Variants in CHST15 observed in about 807,000 individuals in gnomAD.
CHST15 encodes the protein carbohydrate sulfotransferase 15, also known as B cell RAG associated protein (GALNAC4S-6ST).
Under a neutral mutation model 53.6 loss-of-function variants are expected in CHST15, and 30 were observed. The ratio of observed to expected loss-of-function variants is 0.56; its 90% CI spans 0.42 to 0.76. CHST15 has a LOEUF of 0.76. CHST15 is among the 30% of genes least tolerant of loss of function. The probability of loss-of-function intolerance (pLI) is 0.00; values close to 1 mark genes in which losing one functional copy is unlikely to be tolerated. For synonymous variants in CHST15, 296 were observed against 289.8 expected (o/e 1.02, Z -0.22); for missense variants, 627 against 740.5 (o/e 0.85, Z 1.78).
intron 1 of CHST15, among the ~76,000 whole-genome samples, chr10:124,051,870 G>A (rs759688370): frequency 3.9e-5 from 6 of 152,110 alleles, no homozygotes; most frequent in South Asian, 2.1e-4. Context: ...GTGTAAGATC[G>A]ATAAAGGGCA....
intron 6 of CHST15, among the ~76,000 whole-genome samples, chr10:124,016,275 G>A (rs1349501187): frequency 6.6e-6 from 1 of 152,038 alleles, no homozygotes; most frequent in African/African-American, 2.4e-5. Flanking sequence ...GGCCCAGGGT[G>A]CCTTACAAAG....
intron 5 of CHST15, among the ~76,000 whole-genome samples, chr10:124,027,827 A>C (rs966009634): frequency 6.6e-6 from 1 of 152,208 alleles, no homozygotes; most frequent in African/African-American, 2.4e-5. Context: ...GGACCCAAAC[A>C]AACCCAGGCC....
chr10:124,067,285 A>T (rs995834897), intron 1 of CHST15, among the ~76,000 whole-genome samples: 3 of 152,260 alleles, frequency 2.0e-5, no homozygotes, highest in African/African-American at 2.4e-5. Flanking sequence ...AATCTCTGGC[A>T]TCTACTGCAC....
At chr10:124,073,205 A>G (rs1423059958) in intron 1 of CHST15, among the ~76,000 whole-genome samples, 2 of 152,228 alleles carry the variant, frequency 1.3e-5, no homozygotes, top group African/African-American at 2.4e-5. Context: ...GAAATCACAC[A>G]GTGTCTACCC....
At chr10:124,050,698 G>A (rs916959147) in intron 1 of CHST15, among the ~76,000 whole-genome samples, 6 of 152,218 alleles carry the variant, frequency 3.9e-5, no homozygotes, top group East Asian at 3.9e-4. Flanking sequence ...CAGAGGGGAC[G>A]TTGGAGGAGA....
intron 1 of CHST15, among the ~76,000 whole-genome samples, chr10:124,077,506 C>CT (rs1260889567): frequency 6.6e-6 from 1 of 152,214 alleles, no homozygotes; most frequent in East Asian, 1.9e-4. Flanking sequence ...GGCTTACACT[C>CT]TTTCAGCCCC....
rs755937325 is a variant in CHST15, at chr10:124,044,832, G to A, written c.634C>T (p.Pro212Ser). Residue 212 changes from proline to serine, a missense_variant, in exon 3 of 8, where the codon CCC (proline) becomes TCC (serine). By Grantham distance (74) the Pro-to-Ser change is moderately conservative (BLOSUM62 -1). Coordinates refer to ENST00000435907, the MANE Select transcript of CHST15 (RefSeq NM_001270764.2). ...EEFSGQNTTDPYLTNSYVLYS... is the reference protein window; with the variant it reads ...EEFSGQNTTDSYLTNSYVLYS... Reference sequence around the variant, plus strand: ...AGCACGTAGGAGTTGGTGAGGTAGGGGTCGGTGGTGTTCTGCCCCGAGAAC... The same window carrying A: ...AGCACGTAGGAGTTGGTGAGGTAGGAGTCGGTGGTGTTCTGCCCCGAGAAC... 1 of 1,561,100 alleles carries A rather than the reference G, an allele frequency of 6.4e-7. No individual in the cohort carries two copies. Among genetic ancestry groups the A allele is most frequent in the Non-Finnish European group, 8.7e-7 (1 of 1,150,774 alleles).
intron 1 of CHST15, among the ~76,000 whole-genome samples, chr10:124,077,033 A>G (rs1949097515): frequency 6.6e-6 from 1 of 152,186 alleles, no homozygotes; most frequent in African/African-American, 2.4e-5. Flanking sequence ...TTTAATATGC[A>G]TTTCATGTTG....
intron 1 of CHST15, among the ~76,000 whole-genome samples, chr10:124,056,327 A>T (rs1376231305): frequency 3.9e-5 from 6 of 152,126 alleles, no homozygotes; most frequent in Non-Finnish European, 8.8e-5. Flanking sequence ...GAGGCAGCTG[A>T]TGGGATGAAA....
At chr10:124,086,903 G>GA (rs1349953744) in intron 1 of CHST15, among the ~76,000 whole-genome samples, 1 of 152,142 alleles carries the variant, frequency 6.6e-6, no homozygotes, top group Non-Finnish European at 1.5e-5. Flanking sequence ...ACTTGAACCT[G>GA]AGTCAGCGTG....
chr10:124,020,905 G>A, intron 6 of CHST15: 1 of 1,338,432 alleles, frequency 7.5e-7, no homozygotes, highest in Non-Finnish European at 9.5e-7. Flanking sequence ...CACCGCTCAA[G>A]AGAATGCTCT....
chr10:124,047,662 A>T (rs1948050188), intron 1 of CHST15, among the ~76,000 whole-genome samples: 1 of 152,194 alleles, frequency 6.6e-6, no homozygotes, highest in Non-Finnish European at 1.5e-5. Context: ...CTCAATAGTA[A>T]AATTAGGATA....
rs774562821 is a variant in CHST15, at chr10:124,046,256, T to C, written c.-44A>G. 6.5e-7 allele frequency: 1 copy of C among 1,533,162 alleles called. No homozygotes were observed. The highest frequency in any genetic ancestry group is 1.4e-5 in the African/African-American group (1 of 72,420). The allele number at this position is 1,533,162 out of a possible 1,614,324, so 95.0% of individuals were successfully genotyped here. A position where few individuals can be genotyped will look rare whatever the true frequency, so the allele number is the denominator to read the frequency against. Reference sequence around the variant, plus strand: ...GGCTGCTGGCTTACCGAGCCATGGGTGGGCCCCCCACGAGTCTGGATGTCC... The same window carrying C: ...GGCTGCTGGCTTACCGAGCCATGGGCGGGCCCCCCACGAGTCTGGATGTCC... On this transcript the variant is annotated 5_prime_UTR_variant, in exon 2 of 8. Transcript: ENST00000435907.
chr10:124,090,546 C>G (rs1435176622), intron 1 of CHST15, among the ~76,000 whole-genome samples: 1 of 152,212 alleles, frequency 6.6e-6, no homozygotes, highest in African/African-American at 2.4e-5. Flanking sequence ...AAGTAGAATC[C>G]GCTTCCCACG....
At chr10:124,061,300 G>A (rs545171742) in intron 1 of CHST15, among the ~76,000 whole-genome samples, 13 of 152,268 alleles carry the variant, frequency 8.5e-5, no homozygotes, top group South Asian at 6.2e-4. Context: ...CATGGGGGCC[G>A]GTTTTTCCCG....
chr10:124,023,806 C>CT (rs1240603371), intron 5 of CHST15, among the ~76,000 whole-genome samples: 2 of 152,094 alleles, frequency 1.3e-5, no homozygotes. Context: ...TCATTCTGCA[C>CT]CCATGCATCC....
In CHST15 at chr10:124,024,806, G is replaced by A. The variant is rs930814469; in HGVS notation, c.1191-3394C>T. Among the ~76,000 whole-genome samples the A allele has an allele frequency of 2.6e-5, 4 of 152,316 alleles. No homozygotes were observed. In the South Asian group the frequency reaches 8.3e-4, roughly 32 times the overall value. On this transcript the variant is annotated intron_variant, in intron 5 of 7. Transcript: ENST00000435907. This position sits in a 1 kb window ranked among gnomAD's most constrained non-coding sequence, Gnocchi z 4.0. ...TGGCTGTGTGCACTGAGGGGTGCCAGGTGGCAATTGGTCTGAGGGGTACCC... is the reference window on the plus strand; with the variant it reads ...TGGCTGTGTGCACTGAGGGGTGCCAAGTGGCAATTGGTCTGAGGGGTACCC...
chr10:124,032,187 A>G (rs546473712), intron 5 of CHST15, among the ~76,000 whole-genome samples: 1 of 152,364 alleles, frequency 6.6e-6, no homozygotes, highest in South Asian at 2.1e-4. Context: ...AGATGAAGAA[A>G]AGAACTAGCC....
Position 124,046,227 on chromosome 10 carries a change from C to T in CHST15, c.-15G>A. On this transcript the variant is annotated 5_prime_UTR_variant, in exon 2 of 8. Coordinates refer to ENST00000435907, the MANE Select transcript of CHST15 (RefSeq NM_001270764.2). ...CAGTGCCTCATGGTAGTGCCAGTGC[C>T]CTGGGCTGCTGGCTTACCGAGCCAT... 2.6e-6 allele frequency: 4 copies of T among 1,567,872 alleles called. No homozygotes were observed. Among genetic ancestry groups the T allele is most frequent in the Non-Finnish European group, 3.5e-6 (4 of 1,155,772 alleles).
Sources: allele counts gnomAD v4.1 joint callset (sites outside exome capture counted in the v4.1 genomes callset), GRCh38; gene constraint gnomAD v4.1.1; non-coding constraint Gnocchi (gnomAD v3.1); transcripts MANE v1.5; gene names NCBI Gene and HGNC (gene_info 2026-07-23, HGNC 2026-07-21).